ERG: variants seen among roughly 807,000 people sequenced by gnomAD.
ERG encodes the protein transcriptional regulator ERG.
Under a neutral mutation model 55.3 loss-of-function variants are expected in ERG, and 9 were observed. That is an observed-to-expected ratio of 0.16 (90% confidence interval 0.10 to 0.28). The LOEUF is 0.28. ERG is among the 10% of genes least tolerant of loss of function. The pLI is 1.00. For synonymous variants in ERG, 223 were observed against 237.3 expected, an observed-to-expected ratio of 0.94 and a Z score of 0.55; for missense variants, 434 against 631.6, an observed-to-expected ratio of 0.69 and a Z score of 3.35.
At chr21:38,604,737 C>T (rs1363087576) in intron 1 of ERG, among the ~76,000 whole-genome samples, 2 of 152,158 alleles carry the variant, frequency 1.3e-5, no homozygotes, top group Non-Finnish European at 2.9e-5. Context: ...ACTGGCATAT[C>T]CACATTAGGT....
At chr21:38,616,446 A>G (rs1041779) in intron 1 of ERG, among the ~76,000 whole-genome samples, 12,623 of 152,200 alleles carry the variant, frequency 0.083, 1,080 homozygotes, top group African/African-American at 0.22. Context: ...CTTTGAACTG[A>G]GACTCAGAAA....
intron 1 of ERG, among the ~76,000 whole-genome samples, chr21:38,649,799 C>T (rs915079692): frequency 2.6e-5 from 4 of 152,276 alleles, no homozygotes; most frequent in Admixed American, 6.5e-5. Flanking sequence ...TCATTGCCTA[C>T]GTTTGAAAGC....
chr21:38,644,355 A>G (rs2060443646), intron 1 of ERG, among the ~76,000 whole-genome samples: 2 of 152,110 alleles, frequency 1.3e-5, no homozygotes, highest in African/African-American at 4.8e-5. Context: ...TAATAAATTG[A>G]TTTTCTTAAA....
chr21:38,628,964 C>T (rs140412069), intron 1 of ERG, among the ~76,000 whole-genome samples: 11 of 152,200 alleles, frequency 7.2e-5, no homozygotes, highest in Admixed American at 3.9e-4. Context: ...AACAAATTAT[C>T]ATTATCATTG....
upstream of ERG, among the ~76,000 whole-genome samples, chr21:38,588,159 A>T (rs903135360): frequency 6.6e-6 from 1 of 152,260 alleles, no homozygotes; most frequent in Admixed American, 6.5e-5. Flanking sequence ...AAAGCAAAAA[A>T]GTCAGAAAAT....
chr21:38,624,047 CT>C (rs1291576981), intron 1 of ERG, among the ~76,000 whole-genome samples: 1 of 152,148 alleles, frequency 6.6e-6, no homozygotes, highest in Non-Finnish European at 1.5e-5. Context: ...GCATCTCGGC[CT>C]TCATCCTTCA....
chr21:38,577,821 T>C (rs995845264), intron 1 of ERG, among the ~76,000 whole-genome samples: 1 of 152,140 alleles, frequency 6.6e-6, no homozygotes, highest in Non-Finnish European at 1.5e-5. Context: ...TCTGGACTAG[T>C]TCACTCCGCA....
chr21:38,515,038 G>A (rs1226726442), intron 2 of ERG, among the ~76,000 whole-genome samples: 2 of 151,970 alleles, frequency 1.3e-5, no homozygotes, highest in East Asian at 3.9e-4. Flanking sequence ...CATAATACGT[G>A]CAGAACCTCT....
chr21:38,508,004 CACACAGAGACACACAA>C (rs2059479249), intron 2 of ERG, among the ~76,000 whole-genome samples: 1 of 8,664 alleles, frequency 1.2e-4, no homozygotes, highest in Non-Finnish European at 2.4e-4. Flanking sequence ...CACATGCACA[CACACAGAGACACACAA>C]ACACACATGC....
At chr21:38,625,186 C>G (rs2060316935) in intron 1 of ERG, among the ~76,000 whole-genome samples, 2 of 152,016 alleles carry the variant, frequency 1.3e-5, no homozygotes, top group South Asian at 4.1e-4. Flanking sequence ...TAAAGGTACA[C>G]TTCAAAAAAG....
Position 38,400,574 on chromosome 21 carries a change from C to T in ERG, c.745G>A (p.Asp249Asn). Residue 249 changes from aspartate to asparagine, a missense_variant and splice_region_variant, in exon 6 of 10, where the codon GAT becomes AAT. Around this residue, in one of 5 missense-constraint regions of ERG, gnomAD observed 99 missense variants for 145.6 expected, o/e 0.68. Coordinates refer to ENST00000288319, the MANE Select transcript of ERG (RefSeq NM_182918.4). ...EATQRITTRP[D>N]LPYEPPRRSA... The stretch of plus-strand genomic sequence containing the variant: ...AGATCACACAGGGGTGTTTTCGTAC[C>T]TGGCCTAGTTGTAATTCTTTGCGTA... 1 of 1,612,778 alleles carries T rather than the reference C, an allele frequency of 6.2e-7. No individual in the cohort carries two copies. Among genetic ancestry groups the T allele is most frequent in the Non-Finnish European group, 8.5e-7 (1 of 1,178,734 alleles).
At chr21:38,504,536 C>T (rs1033072738) in intron 2 of ERG, among the ~76,000 whole-genome samples, 2 of 152,180 alleles carry the variant, frequency 1.3e-5, no homozygotes, top group Non-Finnish European at 2.9e-5. Context: ...TAGGCTTCTC[C>T]ATATAATTTG....
rs530322260 is a variant in ERG, at chr21:38,424,342, G to C, written c.237-781C>G. On this transcript the variant is annotated intron_variant, in intron 2 of 9. Coordinates refer to ENST00000288319, the MANE Select transcript of ERG (RefSeq NM_182918.4). ...TTAGACTTCCAACCTCCAGAAGTAT[G>C]CAAGCTCGAGTCCCATTGTTTCAGC... 2.1e-4 allele frequency among the ~76,000 whole-genome samples: 32 copies of C among 152,278 alleles called. 2 individuals carry two copies. In the South Asian group the frequency reaches 6.2e-3, roughly 30 times the overall value.
the ERG span, among the ~76,000 whole-genome samples, chr21:38,374,155 G>T: frequency 1.3e-5 from 2 of 152,086 alleles, no homozygotes; most frequent in African/African-American, 4.8e-5. Context: ...CCAATTTTTC[G>T]CTCTCTTGTG....
chr21:38,428,319 T>C (rs1989938205), intron 2 of ERG, among the ~76,000 whole-genome samples: 1 of 152,188 alleles, frequency 6.6e-6, no homozygotes, highest in Admixed American at 6.5e-5. Flanking sequence ...TGCACAAATG[T>C]GTGTCTTGAT....
In ERG at chr21:38,488,453, A is replaced by G. The variant is rs572106862; in HGVS notation, c.18+9910T>C. Among the ~76,000 whole-genome samples the G allele has an allele frequency of 2.0e-5, 3 of 151,890 alleles. No homozygotes were observed. The South Asian group carries it at 6.3e-4, about 32-fold the overall frequency. On this transcript the variant is annotated intron_variant, in intron 1 of 9. Transcript: ENST00000288319. ...GACTTGATCTATTTTTTTTTCTCCT[A>G]CAAAGGGGCCAGTCTGCAAGGACAC...
intron 2 of ERG, among the ~76,000 whole-genome samples, chr21:38,430,393 G>T (rs1266954906): frequency 6.6e-6 from 1 of 152,164 alleles, no homozygotes; most frequent in Non-Finnish European, 1.5e-5. Context: ...CTTTTGCTGT[G>T]AAGAAAGTTT....
At chr21:38,445,099 C>G (rs188816894) in intron 2 of ERG, among the ~76,000 whole-genome samples, 2 of 151,806 alleles carry the variant, frequency 1.3e-5, no homozygotes, top group Admixed American at 6.6e-5. Flanking sequence ...CGCTGTCCAA[C>G]GTCACCGTTC....
chr21:38,498,853 A>G (rs1483467350), upstream of ERG, among the ~76,000 whole-genome samples: 1 of 152,178 alleles, frequency 6.6e-6, no homozygotes, highest in East Asian at 1.9e-4. The surrounding 1 kb of genome is among the most constrained non-coding windows in gnomAD (Gnocchi z 4.6). Context: ...TCGCAGCCCA[A>G]TTCTTCGCAG....
Sources: allele counts gnomAD v4.1 joint callset (sites outside exome capture counted in the v4.1 genomes callset), GRCh38; gene constraint gnomAD v4.1.1; regional missense constraint gnomAD v4.1.1; non-coding constraint Gnocchi (gnomAD v3.1); transcripts MANE v1.5; gene names NCBI Gene and HGNC (gene_info 2026-07-23, HGNC 2026-07-21).